EHF: variants seen among roughly 807,000 people sequenced by gnomAD.
EHF encodes the protein ETS homologous factor, also known as ESE3 transcription factor.
A neutral mutation model predicts 45.1 loss-of-function variants in EHF; 14 were observed. That is an observed-to-expected ratio of 0.31 (90% CI 0.21 to 0.49). EHF has a LOEUF of 0.49. EHF is among the 20% of genes least tolerant of loss of function. EHF has a pLI of 0.99. For missense variants in EHF, 282 were observed against 371.4 expected (o/e 0.76, Z 1.98); for synonymous variants, 136 against 131.8 (o/e 1.03, Z -0.22).
intron 6 of EHF, among the ~76,000 whole-genome samples, chr11:34,653,116 C>T (rs555178665): frequency 4.9e-4 from 74 of 152,048 alleles, no homozygotes; most frequent in Non-Finnish European, 8.7e-4. Flanking sequence ...AGTTCCTCTG[C>T]GACTTCCTAC....
rs1856175017 is a variant in EHF, at chr11:34,662,918, C to T, written c.*3987C>T. On this transcript the variant is annotated 3_prime_UTR_variant, in exon 9 of 9. Transcript: ENST00000257831. ...CAGAGCTGAATTATCCTCAGTGTAGCTTCTTGGAATTCAGTTTCTGGAACT... is the reference window on the plus strand; with the variant it reads ...CAGAGCTGAATTATCCTCAGTGTAGTTTCTTGGAATTCAGTTTCTGGAACT... Among the ~76,000 whole-genome samples, 1 of 151,920 alleles carries T rather than the reference C, an allele frequency of 6.6e-6. No homozygotes were observed. Among genetic ancestry groups the T allele is most frequent in the African/African-American group, 2.4e-5 (1 of 41,362 alleles).
Position 34,627,058 on chromosome 11 carries a change from C to T in EHF, c.-4+5830C>T, listed in dbSNP as rs940243475. 2.0e-5 allele frequency among the ~76,000 whole-genome samples: 3 copies of T among 151,586 alleles called. No individual in the cohort carries two copies. The East Asian group carries it at 5.8e-4, about 29-fold the overall frequency. On this transcript the variant is annotated intron_variant, in intron 1 of 8. Coordinates refer to ENST00000257831, the MANE Select transcript of EHF (RefSeq NM_012153.6). ...GGGAAGTCTTCAATTTGGGTGTTTT[C>T]AGTGAGTTTCTGTTGGGTCAGAGTG...
At chr11:34,648,322 A>C (rs1854780247) in intron 3 of EHF, among the ~76,000 whole-genome samples, 1 of 151,926 alleles carries the variant, frequency 6.6e-6, no homozygotes. Flanking sequence ...GGAAGAAAAC[A>C]GACTAGATTC....
rs372151910 is a variant in EHF at position 34,651,706 on chromosome 11, C to T, written c.476-31C>T. The T allele has an allele frequency of 5.6e-6, 9 of 1,613,302 alleles. No homozygotes were observed. The African/African-American group carries it at 1.2e-4, about 22-fold the overall frequency. On this transcript the variant is annotated intron_variant, in intron 5 of 8. Coordinates refer to ENST00000257831, the MANE Select transcript of EHF (RefSeq NM_012153.6). Reference sequence around the variant, plus strand: ...TTGTGAGGTGGGGGGAGGGGGTGCTCTAAATGTCCTTTATCTTTTCATGGC... The same window carrying T: ...TTGTGAGGTGGGGGGAGGGGGTGCTTTAAATGTCCTTTATCTTTTCATGGC...
intron 1 of EHF, among the ~76,000 whole-genome samples, chr11:34,637,912 TC>T (rs985024330): frequency 2.4e-4 from 36 of 151,556 alleles, no homozygotes; most frequent in African/African-American, 8.7e-4. Context: ...TTTTTTTTTT[TC>T]CTTTTTGAGT....
rs1854559706 is a variant in EHF at position 34,646,552 on chromosome 11, A to C, written c.211A>C (p.Asn71His). Residue 71 changes from asparagine to histidine, a missense_variant, in exon 3 of 9, where the codon AAT becomes CAT. Around this residue, in one of 3 missense-constraint regions of EHF, gnomAD observed 213 missense variants for 247.3 expected, o/e 0.86. Transcript: ENST00000257831. ...HLLDTNQLDA[N>H]CIPFQEFDIN... is the part of the protein sequence containing the mutation. ...CCTGGACACCAACCAGCTGGATGCC[A>C]ATTGTATCCCTTTCCAAGAGTTCGA... 6.2e-7 allele frequency: 1 copy of C among 1,613,860 alleles called. No individual in the cohort carries two copies. Among genetic ancestry groups the C allele is most frequent in the South Asian group, 1.1e-5 (1 of 91,026 alleles).
chr11:34,627,185 A>G (rs1852453740), intron 1 of EHF, among the ~76,000 whole-genome samples: 1 of 151,872 alleles, frequency 6.6e-6, no homozygotes, highest in Non-Finnish European at 1.5e-5. Context: ...TAGGAAAGAA[A>G]TGCAATAGGG....
In EHF at chr11:34,646,790, C is replaced by T. The variant is rs189464978; in HGVS notation, c.343+106C>T. On this transcript the variant is annotated intron_variant, in intron 3 of 8. Transcript: ENST00000257831. ...TTTGTCAGGGACAAGAAAGAGTGGT[C>T]TCACCTCCAAATTACCATGTCCCAA... 1.3e-4 allele frequency: 179 copies of T among 1,418,830 alleles called. No homozygotes were observed. The African/African-American group carries it at 1.8e-3, about 15-fold the overall frequency. The allele number at this position is 1,418,830 out of a possible 1,614,324, so 87.9% of individuals were successfully genotyped here.
intron 1 of EHF, among the ~76,000 whole-genome samples, chr11:34,634,338 T>A (rs1853188090): frequency 6.6e-6 from 1 of 152,242 alleles, no homozygotes; most frequent in African/African-American, 2.4e-5. Flanking sequence ...GGTGTGGGTA[T>A]CGCTGTCATC....
chr11:34,633,405 G>A (rs576180795), intron 1 of EHF, among the ~76,000 whole-genome samples: 2 of 152,158 alleles, frequency 1.3e-5, no homozygotes, highest in Admixed American at 6.5e-5. Context: ...GGAAAGGGAA[G>A]GGAGGCAAGT....
In EHF at chr11:34,658,889, A is replaced by G; in HGVS notation, c.861A>G (p.Lys287=). The change falls in exon 9 of 9, where the codon AAA becomes AAG. Residue 287 remains lysine (K), a synonymous_variant. Coordinates refer to ENST00000257831, the MANE Select transcript of EHF (RefSeq NM_012153.6). ...TGGATGGACGAAGACTGGTATATAAATTTGGGAAGAATGCCCGAGGATGGA... is the reference window on the plus strand; with the variant it reads ...TGGATGGACGAAGACTGGTATATAAGTTTGGGAAGAATGCCCGAGGATGGA... ...ERVDGRRLVY[K]FGKNARGWRE... 3 of 1,613,496 alleles carry G rather than the reference A, an allele frequency of 1.9e-6. No homozygotes were observed. The highest frequency in any genetic ancestry group is 2.5e-6 in the Non-Finnish European group (3 of 1,179,684).
At chr11:34,629,426 G>T (rs974975910) in intron 1 of EHF, among the ~76,000 whole-genome samples, 1 of 152,146 alleles carries the variant, frequency 6.6e-6, no homozygotes, top group African/African-American at 2.4e-5. Flanking sequence ...TCATAGGAAG[G>T]CTCTAAAAAC....
At chr11:34,647,561 T>C (rs1404756315) in intron 3 of EHF, among the ~76,000 whole-genome samples, 1 of 152,190 alleles carries the variant, frequency 6.6e-6, no homozygotes, top group East Asian at 1.9e-4. Flanking sequence ...AAAGTAGCAA[T>C]ATTTAAGAAC....
chr11:34,646,062 G>GTGTA (rs1318120759), intron 2 of EHF, among the ~76,000 whole-genome samples: 3 of 142,784 alleles, frequency 2.1e-5, no homozygotes, highest in Non-Finnish European at 4.6e-5. Context: ...GTGTGTGTGT[G>GTGTA]TGTGTATGTA....
At position 34,643,347 on chromosome 11, in the gene EHF, TCTGAATCAAGTTGTTG is replaced by T. The variant is rs3833783; in HGVS notation, c.97+628_97+643del. ...TTGAATCCCTGAATCAAGTTGAATC[TCTGAATCAAGTTGTTG>T]CTGAATCGGGAACCCCATACCCCAA... On this transcript the variant is annotated intron_variant, in intron 2 of 8. Transcript: ENST00000257831. Among the ~76,000 whole-genome samples the T allele has an allele frequency of 5.6e-3, 847 of 152,256 alleles. 32 individuals are homozygous for T. In the East Asian group the frequency reaches 0.11, roughly 19 times the overall value.
intron 1 of EHF, chr11:34,632,508 C>T (rs1021397030): frequency 1.1e-5 from 17 of 1,534,014 alleles, no homozygotes; most frequent in Non-Finnish European, 1.4e-5. Flanking sequence ...GGTTTTGGCT[C>T]AGGCTGCTTT....
chr11:34,632,261 G>A (rs537395899), intron 1 of EHF, among the ~76,000 whole-genome samples: 2 of 152,260 alleles, frequency 1.3e-5, no homozygotes, highest in South Asian at 4.1e-4. Context: ...AGCAACAGGT[G>A]CAAAAAAATA....
intron 1 of EHF, among the ~76,000 whole-genome samples, chr11:34,627,112 T>TTG (rs6144298): frequency 0.32 from 46,804 of 148,362 alleles, 7,220 homozygotes; most frequent in East Asian, 0.55. Context: ...GGATTTTGGT[T>TTG]TGTGTGTGTG....
At chr11:34,652,337 C>G (rs17359064) in intron 6 of EHF, among the ~76,000 whole-genome samples, 65,012 of 152,036 alleles carry the variant, frequency 0.43, 14,645 homozygotes, top group Non-Finnish European at 0.51. Flanking sequence ...TCAGTGCTCT[C>G]TAATCAGTCA....
Sources: gnomAD v4.1 joint callset for allele counts (sites outside exome capture counted in the v4.1 genomes callset) on GRCh38, gnomAD v4.1.1 for gene constraint, gnomAD v4.1.1 regional missense constraint, MANE v1.5 for transcripts, NCBI Gene and HGNC (gene_info 2026-07-23, HGNC 2026-07-21) for gene names.